The following CNGB1 variants were observed in gnomAD, a reference collection of about 807,000 sequenced individuals.
CNGB1 encodes the protein cyclic nucleotide-gated channel beta-1.
Under a neutral mutation model 151.7 loss-of-function variants are expected in CNGB1, and 126 were observed. That is an observed-to-expected ratio of 0.83 (90% confidence interval 0.72 to 0.96). The LOEUF is 0.96. CNGB1 is among the 40% of genes least tolerant of loss of function. The pLI, the probability that CNGB1 is intolerant of heterozygous loss-of-function variation, is 0.00. For synonymous variants in CNGB1, 623 were observed against 635.1 expected (o/e 0.98, Z 0.29); for missense variants, 1,698 against 1,627.0 (o/e 1.04, Z -0.75).
At chr16:57,909,455 G>A (rs1296251564) in intron 25 of CNGB1, among the ~76,000 whole-genome samples, 1 of 151,886 alleles carries the variant, frequency 6.6e-6, no homozygotes. Flanking sequence ...GCGCAATTTT[G>A]GCTCACTGCA....
At chr16:57,930,851 G>A (rs1235295732) in intron 17 of CNGB1, among the ~76,000 whole-genome samples, 4 of 152,138 alleles carry the variant, frequency 2.6e-5, no homozygotes, top group East Asian at 3.9e-4. Context: ...GGTGGCTGCC[G>A]GGGCTGGGGT....
At chr16:57,933,692 T>G (rs1437661603) in intron 16 of CNGB1, among the ~76,000 whole-genome samples, 3 of 151,316 alleles carry the variant, frequency 2.0e-5, no homozygotes, top group African/African-American at 7.3e-5. Context: ...ATTATATATG[T>G]GCTTTTTGTT....
chr16:57,910,915 C>A (rs1220816311), intron 25 of CNGB1, among the ~76,000 whole-genome samples: 1 of 152,114 alleles, frequency 6.6e-6, no homozygotes, highest in Non-Finnish European at 1.5e-5. Flanking sequence ...TTAACTTTGG[C>A]AAAATAAACT....
chr16:57,939,124 G>T (rs1961590993), intron 16 of CNGB1, among the ~76,000 whole-genome samples: 1 of 152,164 alleles, frequency 6.6e-6, no homozygotes. Flanking sequence ...GGGGCCTGCA[G>T]GAGGGGCTGG....
chr16:57,964,070 A>C (rs1232316648), intron 4 of CNGB1, 60 bp downstream of exon 4: 1 of 1,521,580 alleles, frequency 6.6e-7, no homozygotes, highest in Non-Finnish European at 9.1e-7. Flanking sequence ...AGGGCTCCCT[A>C]GCTGGGAGGG....
chr16:57,966,181 G>T (rs1962395069), intron 2 of CNGB1, among the ~76,000 whole-genome samples: 1 of 152,158 alleles, frequency 6.6e-6, no homozygotes, highest in African/African-American at 2.4e-5. Flanking sequence ...AGTTTGGTCT[G>T]ACACACTTAT....
rs570764233 is a variant in CNGB1, at chr16:57,929,475, G to C, written c.1535+2241C>G. On this transcript the variant is annotated intron_variant, in intron 17 of 32. Coordinates refer to ENST00000251102, the MANE Select transcript of CNGB1 (RefSeq NM_001297.5). ...AGAGGGAGAGAGGAAAAGAGAGAGA[G>C]GGAGAGAGAGAGAGACTTTTTCTTT... Among the ~76,000 whole-genome samples the C allele has an allele frequency of 4.6e-3, 580 of 126,418 alleles. 2 individuals are homozygous for C. Among genetic ancestry groups the C allele is most frequent in the Non-Finnish European group, 7.5e-3 (456 of 61,018 alleles). The allele number at this position is 126,418 out of a possible 152,430, so 82.9% of individuals were successfully genotyped here. A position where few individuals can be genotyped will look rare whatever the true frequency, so the allele number is the denominator to read the frequency against.
intron 31 of CNGB1, among the ~76,000 whole-genome samples, chr16:57,894,085 G>A (rs118144389): frequency 3.4e-4 from 51 of 152,210 alleles, no homozygotes; most frequent in Non-Finnish European, 6.2e-4. Context: ...TGCAAAATAC[G>A]GATGCACACG....
chr16:57,896,332 T>C (rs1468342440), intron 31 of CNGB1, among the ~76,000 whole-genome samples: 1 of 152,218 alleles, frequency 6.6e-6, no homozygotes, highest in Non-Finnish European at 1.5e-5. Context: ...GACTCACTTC[T>C]GAGTTCTTCC....
At chr16:57,910,086 C>T (rs1206814016) in intron 25 of CNGB1, among the ~76,000 whole-genome samples, 1 of 152,212 alleles carries the variant, frequency 6.6e-6, no homozygotes, top group African/African-American at 2.4e-5. Context: ...ACCATCGGAA[C>T]GGACCCCTCC....
At chr16:57,915,407 CGGAGT>C in intron 22 of CNGB1, 72 bp from the exon 23 acceptor site, 13 of 1,168,226 alleles carry the variant, frequency 1.1e-5, no homozygotes, top group Non-Finnish European at 1.5e-5. Flanking sequence ...GAGTGAGAGG[CGGAGT>C]CTCTCCCTTC....
Position 57,901,384 on chromosome 16 carries a change from C to A in CNGB1, c.2944G>T (p.Val982Phe). The A allele has an allele frequency of 6.2e-7, 1 of 1,614,182 alleles. No homozygotes were observed. Among genetic ancestry groups the A allele is most frequent in the Non-Finnish European group, 8.5e-7 (1 of 1,180,040 alleles). The change falls in exon 29 of 33, where the codon GTC becomes TTC. Residue 982 changes from valine to phenylalanine, a missense_variant. Physicochemically the swap from Val to Phe is conservative, Grantham distance 50 (BLOSUM62 -1). Transcript: ENST00000251102. ...CACACATAGTCGTTGGGCAGGTAGACAACAGAGCGAAGCCTCTTCAGCATG... is the reference window on the plus strand; with the variant it reads ...CACACATAGTCGTTGGGCAGGTAGAAAACAGAGCGAAGCCTCTTCAGCATG... The part of the protein sequence containing the change: ...FDMLKRLRSV[V>F]YLPNDYVCKK...
intron 19 of CNGB1, 105 bp from the exon 20 acceptor site, chr16:57,919,359 C>T: frequency 6.3e-7 from 1 of 1,599,066 alleles, no homozygotes; most frequent in South Asian, 1.1e-5. Context: ...TCTGAGAGGA[C>T]CCTGGCACCA....
chr16:57,968,380 C>G (rs986326330), intron 1 of CNGB1, among the ~76,000 whole-genome samples: 2 of 152,086 alleles, frequency 1.3e-5, no homozygotes, highest in Non-Finnish European at 2.9e-5. Context: ...ACCTGTAATC[C>G]CAGCTACTCA....
At chr16:57,904,970 G>T in intron 25 of CNGB1, 95 bp from the exon 26 acceptor site, 1 of 1,496,944 alleles carries the variant, frequency 6.7e-7, no homozygotes, top group Non-Finnish European at 9.3e-7. Flanking sequence ...GATGCATGTT[G>T]TGCAAAAGAC....
intron 31 of CNGB1, among the ~76,000 whole-genome samples, chr16:57,889,578 T>C (rs1457846782): frequency 6.6e-6 from 1 of 152,214 alleles, no homozygotes; most frequent in East Asian, 1.9e-4. Context: ...CCACAGAAAC[T>C]GAGATCGCAA....
At chr16:57,953,295 G>A (rs1204952960) in intron 12 of CNGB1, among the ~76,000 whole-genome samples, 1 of 152,096 alleles carries the variant, frequency 6.6e-6, no homozygotes, top group Non-Finnish European at 1.5e-5. Flanking sequence ...AAGAGATCGA[G>A]ACCATCCTGG....
At chr16:57,966,129 A>G (rs1281999193) in intron 2 of CNGB1, among the ~76,000 whole-genome samples, 1 of 151,970 alleles carries the variant, frequency 6.6e-6, no homozygotes, top group African/African-American at 2.4e-5. Context: ...TCAGCCTCCA[A>G]TCTCCAAAGT....
At chr16:57,947,952 G>C (rs1961849461) in intron 14 of CNGB1, among the ~76,000 whole-genome samples, 1 of 152,204 alleles carries the variant, frequency 6.6e-6, no homozygotes, top group South Asian at 2.1e-4. Context: ...CAGAAGCAAA[G>C]TGGAGTTGGC....
Sources: gnomAD v4.1 joint callset for allele counts (sites outside exome capture counted in the v4.1 genomes callset) on GRCh38, gnomAD v4.1.1 for gene constraint, MANE v1.5 for transcripts, NCBI Gene and HGNC (gene_info 2026-07-23, HGNC 2026-07-21) for gene names.